The following NUP210L variants were observed in gnomAD, a reference collection of about 807,000 sequenced individuals.
NUP210L encodes the protein nuclear pore membrane glycoprotein 210-like.
In NUP210L, 74 loss-of-function variants were observed where a neutral mutation model predicts 208.5. The ratio of observed to expected loss-of-function variants is 0.35; its 90% CI spans 0.29 to 0.43. The LOEUF (loss-of-function observed/expected upper bound fraction) is 0.43, where lower values mean the gene tolerates loss of function less well. NUP210L is among the 20% of genes least tolerant of loss of function. The pLI is 1.00. For synonymous variants in NUP210L, 780 were observed against 816.9 expected (o/e 0.95, Z 0.77); for missense variants, 1,843 against 2,289.4 (o/e 0.81, Z 3.98).
exon 19 of NUP210L, chr1:154,060,983 C>A: frequency 1.9e-6 from 3 of 1,613,822 alleles, no homozygotes; most frequent in Non-Finnish European, 2.5e-6. Context: ...TTCTCAGGCA[C>A]TACAGTTACA....
rs748451613 is a variant in NUP210L, at chr1:154,118,847, A to G, written c.1327-39T>C. ...AAAAAAGGAGCAAAATATATTTATA[A>G]GGACTATTCTTATAATACACATTCA... On this transcript the variant is annotated intron_variant, in intron 10 of 39. Transcript: ENST00000368559. 8.3e-6 allele frequency: 11 copies of G among 1,329,100 alleles called. No homozygotes were observed. The South Asian group carries it at 1.5e-4, about 18-fold the overall frequency. The allele number at this position is 1,329,100 out of a possible 1,614,324, so 82.3% of individuals were successfully genotyped here.
intron 33 of NUP210L, among the ~76,000 whole-genome samples, chr1:154,012,920 C>T (rs1438176561): frequency 4.2e-5 from 6 of 142,690 alleles, no homozygotes; most frequent in African/African-American, 7.9e-5. Flanking sequence ...GCAGGAGAAT[C>T]GCTTGAACCT....
chr1:154,153,649 T>A lies in NUP210L; in HGVS notation c.204-777A>T, dbSNP rs183506552. Among the ~76,000 whole-genome samples the A allele has an allele frequency of 2.6e-5, 4 of 152,242 alleles. No individual in the cohort carries two copies. The East Asian group carries it at 7.7e-4, about 29-fold the overall frequency. On this transcript the variant is annotated intron_variant, in intron 1 of 39. Transcript: ENST00000368559. Reference sequence around the variant, plus strand: ...TAAATAGAGACGGGGTCTCACTATGTTGATCCGGCTGGTCTCAAACTCCTG... The same window carrying A: ...TAAATAGAGACGGGGTCTCACTATGATGATCCGGCTGGTCTCAAACTCCTG...
exon 3 of NUP210L, chr1:154,143,463 C>A: frequency 1.2e-6 from 2 of 1,613,582 alleles, no homozygotes; most frequent in Non-Finnish European, 1.7e-6. Context: ...ATCCAATGCC[C>A]TCACCATCAG....
rs376881125 is a variant in NUP210L at position 153,996,577 on chromosome 1, A to C, written c.5387-1397T>G. Among the ~76,000 whole-genome samples the C allele has an allele frequency of 7.9e-5, 12 of 152,140 alleles. 2 individuals are homozygous for C. The South Asian group carries it at 2.5e-3, about 32-fold the overall frequency. ...GCTGGCATTACAGGTGCCCACCACC[A>C]TGCCTGGCTAATTTTCGTATTTTTA... On this transcript the variant is annotated intron_variant, in intron 37 of 39. Coordinates refer to ENST00000368559, the Ensembl canonical transcript of NUP210L.
intron 2 of NUP210L, among the ~76,000 whole-genome samples, chr1:154,147,988 G>A (rs1437708261): frequency 7.1e-6 from 1 of 140,656 alleles, no homozygotes; most frequent in Non-Finnish European, 1.6e-5. Context: ...GGCCAGGCAC[G>A]GTGGCTCACA....
intron 18 of NUP210L, among the ~76,000 whole-genome samples, 187 bp downstream of exon 18, chr1:154,061,399 T>C (rs1185350664): frequency 6.6e-6 from 1 of 151,530 alleles, no homozygotes; most frequent in Admixed American, 6.6e-5. Context: ...ATAATAATAA[T>C]AATAATAAAG....
chr1:154,009,966 A>G lies in NUP210L; in HGVS notation c.4930+6T>C. 1 of 1,605,384 alleles carries G rather than the reference A, an allele frequency of 6.2e-7. No homozygotes were observed. Among genetic ancestry groups the G allele is most frequent in the Non-Finnish European group, 8.5e-7 (1 of 1,176,120 alleles). Reference sequence around the variant, plus strand: ...GGGGAAACCAGATTCAACTGGTGTAACTTACCTTTCTCCATACTGAAATCT... The same window carrying G: ...GGGGAAACCAGATTCAACTGGTGTAGCTTACCTTTCTCCATACTGAAATCT... On this transcript the variant is annotated splice_donor_region_variant and intron_variant, in intron 35 of 39. Transcript: ENST00000368559.
At position 154,130,116 on chromosome 1, in the gene NUP210L, ACTGT is replaced by A. The variant is rs542427386; in HGVS notation, c.1010-775_1010-772del. ...CACTTTGGGAGGCCGAGGTGGGTGG[ACTGT>A]CTGAGGTCAGGAGTTCAAGACCAGC... On this transcript the variant is annotated intron_variant, in intron 7 of 39. Transcript: ENST00000368559. Among the ~76,000 whole-genome samples the A allele has an allele frequency of 2.8e-4, 43 of 152,184 alleles. No homozygotes were observed. The South Asian group carries it at 8.7e-3, about 31-fold the overall frequency.
Position 153,995,505 on chromosome 1 carries a change from C to T in NUP210L, c.5387-325G>A, listed in dbSNP as rs1006706640. On this transcript the variant is annotated intron_variant, in intron 37 of 39. Transcript: ENST00000368559. The stretch of plus-strand genomic sequence containing the variant: ...TCTTCCTATCTCCAGAGTAATACAA[C>T]TCTCTAATTCTTGAGCTTGTTATTT... The T allele has an allele frequency of 6.7e-6, 4 of 597,660 alleles. No homozygotes were observed. The African/African-American group carries it at 7.4e-5, about 11-fold the overall frequency. 37.0% of individuals were successfully genotyped at this position (597,660 alleles called of 1,614,324 possible).
chr1:154,055,399 T>C (rs1653809993), intron 23 of NUP210L, among the ~76,000 whole-genome samples: 1 of 151,870 alleles, frequency 6.6e-6, no homozygotes, highest in Non-Finnish European at 1.5e-5. Flanking sequence ...TTCAGGCACC[T>C]GCCACCATGC....
chr1:154,154,697 C>T (rs1659604949), intron 1 of NUP210L, 145 bp downstream of exon 1: 1 of 662,800 alleles, frequency 1.5e-6, no homozygotes. Flanking sequence ...GCCACCTTCA[C>T]TGACACCACA....
chr1:154,076,416 C>T (rs1655047136), intron 16 of NUP210L, among the ~76,000 whole-genome samples: 1 of 151,910 alleles, frequency 6.6e-6, no homozygotes, highest in South Asian at 2.1e-4. Context: ...TTCTAATTAA[C>T]TTTAATGTCC....
chr1:154,005,951 A>G (rs1650499881), intron 35 of NUP210L, among the ~76,000 whole-genome samples: 1 of 151,462 alleles, frequency 6.6e-6, no homozygotes, highest in Admixed American at 6.6e-5. Flanking sequence ...CGAACTCCCG[A>G]CCTCAGGTAA....
intron 13 of NUP210L, among the ~76,000 whole-genome samples, chr1:154,103,063 G>T (rs1319358771): frequency 6.7e-6 from 1 of 149,114 alleles, no homozygotes; most frequent in Admixed American, 6.8e-5. Context: ...GTGACACGGT[G>T]GTGAGACCCT....
intron 27 of NUP210L, among the ~76,000 whole-genome samples, chr1:154,038,602 C>A (rs1652694023): frequency 6.6e-6 from 1 of 152,070 alleles, no homozygotes; most frequent in Admixed American, 6.6e-5. Context: ...GCCTTGGCCT[C>A]CCAAAGTACT....
chr1:154,061,921 G>C (rs974861602), intron 17 of NUP210L, among the ~76,000 whole-genome samples: 4 of 152,004 alleles, frequency 2.6e-5, no homozygotes, highest in African/African-American at 9.7e-5. Flanking sequence ...ACAACCTCCC[G>C]GGTTCAAGCA....
At position 154,053,721 on chromosome 1, in the gene NUP210L, A is replaced by G. The variant is rs530198125; in HGVS notation, c.3483+507T>C. On this transcript the variant is annotated intron_variant, in intron 25 of 39. Coordinates refer to ENST00000368559, the Ensembl canonical transcript of NUP210L. Reference sequence around the variant, plus strand: ...AAGGAATGCTTTTAGTTAATCTATAATCTATAGAAACAATGCTTATCACTG... The same window carrying G: ...AAGGAATGCTTTTAGTTAATCTATAGTCTATAGAAACAATGCTTATCACTG... Among the ~76,000 whole-genome samples the G allele has an allele frequency of 4.6e-5, 7 of 152,334 alleles. No homozygotes were observed. In the East Asian group the frequency reaches 1.2e-3, roughly 25 times the overall value.
intron 25 of NUP210L, among the ~76,000 whole-genome samples, chr1:154,050,110 G>C (rs1311471571): frequency 6.6e-6 from 1 of 151,970 alleles, no homozygotes; most frequent in Non-Finnish European, 1.5e-5. Context: ...TTTAATTATA[G>C]CTCCTGACAA....
Sources: allele counts gnomAD v4.1 joint callset (sites outside exome capture counted in the v4.1 genomes callset), GRCh38; gene constraint gnomAD v4.1.1; transcripts MANE v1.5; gene names NCBI Gene and HGNC (gene_info 2026-07-23, HGNC 2026-07-21).